KANSL3: variants seen among roughly 807,000 people sequenced by gnomAD.
The protein encoded by KANSL3 is KAT8 regulatory NSL complex subunit 3.
KANSL3 carries 16 observed loss-of-function variants against 89.2 expected under a neutral mutation model. That is an observed-to-expected ratio of 0.18 (90% CI 0.12 to 0.27). The LOEUF (loss-of-function observed/expected upper bound fraction) is 0.27. Ranked by LOEUF, KANSL3 falls within the 10% of genes least tolerant of loss-of-function variation. The pLI is 1.00. For synonymous variants in KANSL3, 385 were observed against 419.7 expected (o/e 0.92, Z 1.01); for missense variants, 879 against 1,110.6 (o/e 0.79, Z 2.96).
At chr2:96,581,123 C>T in the KANSL3 span, among the ~76,000 whole-genome samples, 2 of 152,180 alleles carry the variant, frequency 1.3e-5, no homozygotes, top group Non-Finnish European at 2.9e-5. Context: ...TTAGTTTCCC[C>T]GCTTTAAGAA....
chr2:96,611,005 C>T lies in KANSL3; in HGVS notation c.1161+59G>A, dbSNP rs529842860. 2.5e-6 allele frequency: 4 copies of T among 1,582,314 alleles called. No individual in the cohort carries two copies. The Admixed American group carries it at 5.0e-5, about 20-fold the overall frequency. On this transcript the variant is annotated intron_variant, in intron 10 of 20. Transcript: ENST00000431828. ...AGCCTCAGCATCAGCTTGGACAAGGCATGCACACTCGCGCTCCCACTGCCA... is the reference window on the plus strand; with the variant it reads ...AGCCTCAGCATCAGCTTGGACAAGGTATGCACACTCGCGCTCCCACTGCCA...
Position 96,595,577 on chromosome 2 carries a change from C to T in KANSL3, c.*34G>A, listed in dbSNP as rs1478966400. On this transcript the variant is annotated 3_prime_UTR_variant, in exon 21 of 21. Transcript: ENST00000431828. ...GGGCCCACCATGAGGCAGCCATCAC[C>T]AACTTGGTAAGGAGGACATATCACA... 2 of 1,613,146 alleles carry T rather than the reference C, an allele frequency of 1.2e-6. No homozygotes were observed. Among genetic ancestry groups the T allele is most frequent in the Non-Finnish European group, 1.7e-6 (2 of 1,179,462 alleles).
At chr2:96,625,291 T>C (rs1297588867) in intron 3 of KANSL3, among the ~76,000 whole-genome samples, 1 of 152,212 alleles carries the variant, frequency 6.6e-6, no homozygotes, top group Admixed American at 6.5e-5. Flanking sequence ...ACCTGTAGCA[T>C]CTTGAAAGTA....
At chr2:96,624,045 T>C (rs977204192) in intron 3 of KANSL3, among the ~76,000 whole-genome samples, 1 of 152,262 alleles carries the variant, frequency 6.6e-6, no homozygotes, top group Non-Finnish European at 1.5e-5. Flanking sequence ...TAATCTCTGC[T>C]ACTTCATCAG....
downstream of KANSL3, among the ~76,000 whole-genome samples, chr2:96,590,028 T>C (rs942230224): frequency 6.7e-6 from 1 of 148,670 alleles, no homozygotes; most frequent in Non-Finnish European, 1.5e-5. Context: ...GGTGTGGTGG[T>C]GGATGCCTGT....
chr2:96,583,823 A>C, the KANSL3 span, among the ~76,000 whole-genome samples: 2 of 152,214 alleles, frequency 1.3e-5, no homozygotes, highest in Admixed American at 1.3e-4. Context: ...GTTTACTATA[A>C]TAGACTACCA....
intron 20 of KANSL3, among the ~76,000 whole-genome samples, chr2:96,600,036 C>T (rs139432237): frequency 3.3e-5 from 5 of 152,204 alleles, no homozygotes; most frequent in African/African-American, 9.6e-5. Flanking sequence ...TTTAAAATAT[C>T]AAAAACCAAA....
At chr2:96,601,045 C>T in intron 20 of KANSL3, 1 of 319,166 alleles carries the variant, frequency 3.1e-6, no homozygotes, top group East Asian at 1.7e-4. Context: ...CCAGCACTTT[C>T]AGAGGCCGAG....
chr2:96,637,936 G>C (rs990276813), intron 1 of KANSL3: 1 of 152,324 alleles, frequency 6.6e-6, no homozygotes, highest in African/African-American at 2.4e-5. Context: ...TAGGAGACAG[G>C]GCTATGACTC....
intron 5 of KANSL3, among the ~76,000 whole-genome samples, chr2:96,616,645 A>T (rs2070179326): frequency 6.6e-6 from 1 of 152,238 alleles, no homozygotes; most frequent in Non-Finnish European, 1.5e-5. Flanking sequence ...AAATATAGTC[A>T]TGGGAAAATA....
Position 96,593,468 on chromosome 2 carries a change from C to T in KANSL3, c.*2143G>A. 2.7e-6 allele frequency: 1 copy of T among 375,136 alleles called. No individual in the cohort carries two copies. Among genetic ancestry groups the T allele is most frequent in the South Asian group, 2.0e-5 (1 of 50,592 alleles). The allele number at this position is 375,136 out of a possible 1,614,324, so 23.2% of individuals were successfully genotyped here. ...ATAGGTAAAGCTTCCTTTCGCGTTC[C>T]AAGAAATATAGTTTGCGAAGGGAAC... On this transcript the variant is annotated 3_prime_UTR_variant, in exon 21 of 21. Transcript: ENST00000431828.
intron 7 of KANSL3, 37 bp downstream of exon 7, chr2:96,612,781 C>A: frequency 6.8e-7 from 1 of 1,470,386 alleles, no homozygotes. Flanking sequence ...GACTATATTC[C>A]CTGCCAGGAA....
At chr2:96,609,410 G>T in intron 12 of KANSL3, 89 bp downstream of exon 12, 1 of 1,207,448 alleles carries the variant, frequency 8.3e-7, no homozygotes, top group Non-Finnish European at 1.2e-6. Context: ...AGGCCTTAGA[G>T]CCAAAGAGAC....
chr2:96,610,536 C>T (rs775821129), intron 11 of KANSL3, 190 bp downstream of exon 11: 5 of 516,288 alleles, frequency 9.7e-6, no homozygotes, highest in Non-Finnish European at 1.7e-5. Context: ...AGGATGGTCT[C>T]AATCTCCTGA....
chr2:96,591,824 C>T (rs1056602693), downstream of KANSL3, among the ~76,000 whole-genome samples: 1 of 150,980 alleles, frequency 6.6e-6, no homozygotes, highest in African/African-American at 2.5e-5. Flanking sequence ...AAACTGGATC[C>T]CGGCAAGTCC....
intron 1 of KANSL3, 152 bp from the exon 2 acceptor site, chr2:96,637,337 C>G (rs1321449336): frequency 4.1e-6 from 2 of 493,526 alleles, no homozygotes; most frequent in Non-Finnish European, 7.1e-6. Context: ...TCGTGGAATC[C>G]CACACCAACA....
At chr2:96,606,406 G>A (rs202043736) in intron 14 of KANSL3, 1 of 152,606 alleles carries the variant, frequency 6.6e-6, no homozygotes, top group East Asian at 1.9e-4. Flanking sequence ...TAGTCCTCTT[G>A]TAGCACAGGG....
At chr2:96,586,537 CTTAA>C in the KANSL3 span, among the ~76,000 whole-genome samples, 2 of 152,192 alleles carry the variant, frequency 1.3e-5, no homozygotes, top group African/African-American at 2.4e-5. Context: ...TCAATTTTCT[CTTAA>C]TTCTTAGAAA....
chr2:96,631,193 T>C, intron 3 of KANSL3, 119 bp downstream of exon 3: 1 of 736,508 alleles, frequency 1.4e-6, no homozygotes, highest in Non-Finnish European at 2.3e-6. Context: ...TGTGAGACTT[T>C]GGAGAACACT....
Sources: gnomAD v4.1 joint callset for allele counts (sites outside exome capture counted in the v4.1 genomes callset) on GRCh38, gnomAD v4.1.1 for gene constraint, MANE v1.5 for transcripts, NCBI Gene and HGNC (gene_info 2026-07-23, HGNC 2026-07-21) for gene names.